The following ITPR1 variants were observed in gnomAD, a reference collection of about 807,000 sequenced individuals.
ITPR1 encodes the protein inositol 1,4,5-trisphosphate-gated calcium channel ITPR1.
In ITPR1, 96 loss-of-function variants were observed where a neutral mutation model predicts 318.4. The ratio of observed to expected loss-of-function variants is 0.30; its 90% confidence interval spans 0.26 to 0.36. The LOEUF (loss-of-function observed/expected upper bound fraction) is 0.36, where lower values mean the gene tolerates loss of function less well. ITPR1 is among the 10% of genes least tolerant of loss of function. ITPR1 has a pLI of 1.00. For missense variants in ITPR1, 2,440 were observed against 3,460.2 expected (o/e 0.71, Z 7.40); for synonymous variants, 1,312 against 1,289.9 (o/e 1.02, Z -0.37).
intron 4 of ITPR1, among the ~76,000 whole-genome samples, chr3:4,605,487 G>T (rs971982258): frequency 5.3e-5 from 8 of 152,156 alleles, no homozygotes; most frequent in Non-Finnish European, 1.2e-4. Flanking sequence ...GAAGTTGATA[G>T]TAGTGCTGGG....
At chr3:4,785,820 A>T (rs1272351802) in intron 51 of ITPR1, among the ~76,000 whole-genome samples, 1 of 152,250 alleles carries the variant, frequency 6.6e-6, no homozygotes, top group African/African-American at 2.4e-5. Context: ...TCCTGACTCC[A>T]GATTCTAAAA....
intron 33 of ITPR1, among the ~76,000 whole-genome samples, chr3:4,696,092 C>T (rs2094553293): frequency 6.6e-6 from 1 of 152,072 alleles, no homozygotes; most frequent in South Asian, 2.1e-4. Flanking sequence ...GTATCGCATA[C>T]CAGCTTAATT....
chr3:4,526,045 A>G (rs548065459), intron 4 of ITPR1, among the ~76,000 whole-genome samples: 5 of 152,346 alleles, frequency 3.3e-5, no homozygotes, highest in South Asian at 2.1e-4. Flanking sequence ...CCATTATTGC[A>G]TAAGATTCGG....
intron 4 of ITPR1, among the ~76,000 whole-genome samples, chr3:4,559,987 T>G (rs1227899966): frequency 2.0e-5 from 3 of 152,202 alleles, no homozygotes; most frequent in Non-Finnish European, 2.9e-5. Flanking sequence ...TGACTCTGGC[T>G]CTCCCACTAA....
chr3:4,572,830 A>G (rs189779260), intron 4 of ITPR1, among the ~76,000 whole-genome samples: 1 of 152,216 alleles, frequency 6.6e-6, no homozygotes, highest in East Asian at 1.9e-4. Context: ...ATATAACTGG[A>G]GTCATATTGT....
chr3:4,846,078 G>C (rs1560002759), intron 61 of ITPR1, 61 bp from the exon 62 acceptor site: 1 of 951,212 alleles, frequency 1.1e-6, no homozygotes, highest in African/African-American at 1.7e-5. Flanking sequence ...CTATGGTTCA[G>C]TATGCGATTT....
chr3:4,579,917 A>G (rs1294985753), intron 4 of ITPR1, among the ~76,000 whole-genome samples: 2 of 148,540 alleles, frequency 1.3e-5, no homozygotes, highest in Non-Finnish European at 3.0e-5. Context: ...AGCCTTAAAA[A>G]AAACCTTTAT....
chr3:4,520,774 T>C (rs912048686), intron 3 of ITPR1, among the ~76,000 whole-genome samples: 4 of 152,146 alleles, frequency 2.6e-5, no homozygotes, highest in African/African-American at 9.7e-5. Flanking sequence ...AGATCTACCA[T>C]GGACATGGTT....
At chr3:4,800,286 G>T in intron 53 of ITPR1, 139 bp from the exon 54 acceptor site, 2 of 732,012 alleles carry the variant, frequency 2.7e-6, no homozygotes. Context: ...TATGGATGGG[G>T]CAGAGAATTT....
chr3:4,632,096 C>A lies in ITPR1; in HGVS notation c.279+4218C>A, dbSNP rs187449132. Among the ~76,000 whole-genome samples, 3 of 152,334 alleles carry A rather than the reference C, an allele frequency of 2.0e-5. No individual in the cohort carries two copies. In the East Asian group the frequency reaches 5.8e-4, roughly 29 times the overall value. ...TCCTGTCCACTGAACATCAGTAGCA[C>A]CCTCTTCCAGTCACTGCAGCAATCC... On this transcript the variant is annotated intron_variant, in intron 5 of 61. Transcript: ENST00000649015.
At chr3:4,517,314 T>C (rs750460781) in intron 3 of ITPR1, among the ~76,000 whole-genome samples, 3 of 152,218 alleles carry the variant, frequency 2.0e-5, no homozygotes, top group Non-Finnish European at 4.4e-5. Flanking sequence ...ACGAATGGTC[T>C]ATATTGTCTT....
intron 4 of ITPR1, among the ~76,000 whole-genome samples, chr3:4,578,671 A>G (rs1038211684): frequency 4.6e-5 from 7 of 152,172 alleles, no homozygotes; most frequent in Non-Finnish European, 8.8e-5. Context: ...TGCTCCTCCA[A>G]CCAACGTTTG....
At chr3:4,807,484 C>G (rs576943324) in intron 55 of ITPR1, among the ~76,000 whole-genome samples, 1 of 152,284 alleles carries the variant, frequency 6.6e-6, no homozygotes, top group South Asian at 2.1e-4. Context: ...CTCACAGGGC[C>G]GTCACAGGGA....
chr3:4,717,401 T>C lies in ITPR1; in HGVS notation c.5136+2T>C, dbSNP rs866124916. On this transcript the variant is annotated splice_donor_variant, in intron 40 of 61. Coordinates refer to ENST00000649015, the MANE Select transcript of ITPR1 (RefSeq NM_001378452.1). LOFTEE classifies it high-confidence loss of function. ...ATTGATGAATTGGATAATGCTGAGG[T>C]CCTAATTTTGTTGTTTTTTGTTTTT... The C allele has an allele frequency of 1.1e-5, 17 of 1,595,588 alleles. No individual in the cohort carries two copies. The highest frequency in any genetic ancestry group is 1.4e-5 in the Non-Finnish European group (17 of 1,176,402).
At chr3:4,681,886 G>T (rs2094309821) in intron 26 of ITPR1, among the ~76,000 whole-genome samples, 1 of 151,822 alleles carries the variant, frequency 6.6e-6, no homozygotes, top group Non-Finnish European at 1.5e-5. Context: ...GTCTTTCATT[G>T]TTCCTAATAT....
At chr3:4,754,910 G>A (rs552407484) in intron 44 of ITPR1, among the ~76,000 whole-genome samples, 43 of 152,348 alleles carry the variant, frequency 2.8e-4, no homozygotes, top group Admixed American at 8.5e-4. Context: ...CAATCTTCAT[G>A]ACTTGGCTGG....
At chr3:4,765,988 T>C (rs1027971826) in intron 44 of ITPR1, among the ~76,000 whole-genome samples, 2 of 152,256 alleles carry the variant, frequency 1.3e-5, no homozygotes, top group Non-Finnish European at 2.9e-5. Context: ...TGAGCATTTA[T>C]AATATAATTG....
intron 39 of ITPR1, among the ~76,000 whole-genome samples, chr3:4,717,010 T>C (rs1177805147): frequency 6.6e-6 from 1 of 152,216 alleles, no homozygotes; most frequent in African/African-American, 2.4e-5. Flanking sequence ...ACTCTACTCT[T>C]TCCCACCCTC....
At chr3:4,579,466 C>T (rs1284045362) in intron 4 of ITPR1, among the ~76,000 whole-genome samples, 2 of 152,088 alleles carry the variant, frequency 1.3e-5, no homozygotes, top group Non-Finnish European at 2.9e-5. Context: ...GATATAGATT[C>T]TGTAACCTGA....
Sources: gnomAD v4.1 joint callset for allele counts (sites outside exome capture counted in the v4.1 genomes callset) on GRCh38, gnomAD v4.1.1 for gene constraint, MANE v1.5 for transcripts, NCBI Gene and HGNC (gene_info 2026-07-23, HGNC 2026-07-21) for gene names.